The following ASIP variants were observed in gnomAD, a reference collection of about 807,000 sequenced individuals.
ASIP encodes agouti-signaling protein.
ASIP carries 11 observed loss-of-function variants against 10.3 expected under a neutral mutation model. The ratio of observed to expected loss-of-function variants is 1.07; its 90% CI spans 0.68 to 1.78. The LOEUF (loss-of-function observed/expected upper bound fraction) is 1.78, where lower values mean the gene tolerates loss of function less well. ASIP is among the 40% of genes most tolerant of loss of function. The probability of loss-of-function intolerance (pLI) is 0.00; values close to 1 mark genes in which losing one functional copy is unlikely to be tolerated. For synonymous variants in ASIP, 70 were observed against 70.8 expected, an observed-to-expected ratio of 0.99 and a Z score of 0.06; for missense variants, 180 against 169.2, an observed-to-expected ratio of 1.06 and a Z score of -0.35.
At chr20:34,264,077 G>C (rs2035744056) in intron 3 of ASIP, among the ~76,000 whole-genome samples, 1 of 152,056 alleles carries the variant, frequency 6.6e-6, no homozygotes, top group Admixed American at 6.6e-5. Context: ...TGTCATTAAT[G>C]CATAAAATAT....
At chr20:34,250,098 C>T (rs962058310) in intron 1 of ASIP, 3 of 152,286 alleles carry the variant, frequency 2.0e-5, no homozygotes, top group Admixed American at 6.5e-5. Flanking sequence ...ATGAGCTTTA[C>T]CAAGAACCCC....
intron 1 of ASIP, among the ~76,000 whole-genome samples, chr20:34,252,125 C>A (rs2035487116): frequency 6.6e-6 from 1 of 152,206 alleles, no homozygotes; most frequent in Admixed American, 6.5e-5. Flanking sequence ...AGGGGGCCTG[C>A]CCCTCCACAC....
At position 34,260,530 on chromosome 20, in the gene ASIP, T is replaced by C. The variant is rs930992849; in HGVS notation, c.156T>C (p.Ile52=). Residue 52 remains isoleucine, a synonymous_variant, in exon 2 of 4, where the codon ATT becomes ATC. Coordinates refer to ENST00000374954, the MANE Select transcript of ASIP (RefSeq NM_001672.3). ...TACTGGATGTCCCTTCTGTCTCTAT[T>C]GTGGGTAAGTCACCTAGCCTCTGGG... ...VNLLDVPSVS[I]VALNKKSKQI... 1.9e-6 allele frequency: 3 copies of C among 1,610,578 alleles called. No individual in the cohort carries two copies. In the African/African-American group the frequency reaches 4.0e-5, roughly 21 times the overall value.
In ASIP at chr20:34,201,557, T is replaced by C. The variant is rs2034899943; in HGVS notation, c.-11+6797T>C. ...ATAAAACCTTGTTGGCTTGATATTT[T>C]AAGGAACTGAAATCTAGCAATCTTA... On this transcript the variant is annotated intron_variant, in intron 1 of 3. Coordinates refer to the ASIP transcript ENST00000568305. Among the ~76,000 whole-genome samples the C allele has an allele frequency of 2.0e-5, 3 of 152,242 alleles. No homozygotes were observed. The South Asian group carries it at 6.2e-4, about 31-fold the overall frequency.
Position 34,261,342 on chromosome 20 carries a change from A to T in ASIP, c.160+808A>T, listed in dbSNP as rs115782322. Among the ~76,000 whole-genome samples the T allele has an allele frequency of 8.2e-3, 1,245 of 152,156 alleles. 17 individuals are homozygous for T. Among genetic ancestry groups the T allele is most frequent in the African/African-American group, 0.029 (1,186 of 41,522 alleles). The stretch of plus-strand genomic sequence containing the variant: ...AGGGAGACCCCGTCTCTACAGAAAA[A>T]TTTAAAAACTAGCAAGGCACGTGGC... On this transcript the variant is annotated intron_variant, in intron 2 of 3. Coordinates refer to ENST00000374954, the MANE Select transcript of ASIP (RefSeq NM_001672.3).
At chr20:34,194,264 C>T (rs1052764558), upstream of ASIP, among the ~76,000 whole-genome samples, 1 of 151,984 alleles carries the variant, frequency 6.6e-6, no homozygotes, top group Non-Finnish European at 1.5e-5. Flanking sequence ...TACTTTCTTC[C>T]CCTGAAAAAG....
chr20:34,262,965 C>A, intron 3 of ASIP, 72 bp downstream of exon 3: 2 of 1,550,746 alleles, frequency 1.3e-6, no homozygotes, highest in South Asian at 1.1e-5. Flanking sequence ...GGACCCCCAA[C>A]CTCTGGCTAG....
chr20:34,216,955 G>A (rs184592422), intron 1 of ASIP, among the ~76,000 whole-genome samples: 2 of 152,200 alleles, frequency 1.3e-5, no homozygotes, highest in Admixed American at 6.5e-5. Flanking sequence ...GACGATTTGA[G>A]GTTCTATATG....
intron 1 of ASIP, among the ~76,000 whole-genome samples, chr20:34,253,436 T>TTTTTA (rs139602018): frequency 2.7e-5 from 4 of 147,556 alleles, no homozygotes; most frequent in Non-Finnish European, 4.4e-5. Context: ...TACGCTCTTA[T>TTTTTA]TTTTATTTTA....
At chr20:34,242,075 G>A (rs551972378) in intron 1 of ASIP, among the ~76,000 whole-genome samples, 22 of 152,250 alleles carry the variant, frequency 1.4e-4, no homozygotes, top group African/African-American at 5.1e-4. Context: ...TCAATTGTAG[G>A]TGAGTTCGCT....
At chr20:34,200,460 C>T (rs1239460037) in intron 1 of ASIP, among the ~76,000 whole-genome samples, 1 of 152,186 alleles carries the variant, frequency 6.6e-6, no homozygotes, top group Non-Finnish European at 1.5e-5. Context: ...CAACATCTTA[C>T]CAAGAAGTAA....
chr20:34,201,016 CCTTCT>C (rs2034892286), intron 1 of ASIP, among the ~76,000 whole-genome samples: 1 of 85,914 alleles, frequency 1.2e-5, no homozygotes, highest in African/African-American at 1.1e-4. Context: ...TTCCTTCCTT[CCTTCT>C]TTCTTTCTTT....
chr20:34,192,011 G>A (rs891290465), upstream of ASIP, among the ~76,000 whole-genome samples: 7 of 151,694 alleles, frequency 4.6e-5, no homozygotes, highest in South Asian at 6.2e-4. Context: ...GATTACAGGC[G>A]TGAGCCACTG....
At chr20:34,188,717 TA>T in the ASIP span, among the ~76,000 whole-genome samples, 1 of 152,224 alleles carries the variant, frequency 6.6e-6, no homozygotes, top group Non-Finnish European at 1.5e-5. Context: ...TTAGTTGATT[TA>T]AAGAAAAATA....
intron 1 of ASIP, among the ~76,000 whole-genome samples, chr20:34,217,104 G>C (rs939069631): frequency 6.6e-6 from 1 of 152,112 alleles, no homozygotes; most frequent in Non-Finnish European, 1.5e-5. Flanking sequence ...TTTCCAATTT[G>C]CCCTTATCCC....
At chr20:34,246,127 A>T in intron 1 of ASIP, 1 of 933,996 alleles carries the variant, frequency 1.1e-6, no homozygotes, top group Non-Finnish European at 1.7e-6. Context: ...CTTTAAGATC[A>T]ATTTCAAAAG....
chr20:34,252,079 C>T (rs539572626), intron 1 of ASIP, among the ~76,000 whole-genome samples: 1 of 152,372 alleles, frequency 6.6e-6, no homozygotes, highest in African/African-American at 2.4e-5. Context: ...GTGCCTCAGA[C>T]TCTATAGTGA....
At chr20:34,240,590 G>A (rs1366951420), upstream of ASIP, among the ~76,000 whole-genome samples, 1 of 152,096 alleles carries the variant, frequency 6.6e-6, no homozygotes, top group Admixed American at 6.5e-5. Flanking sequence ...TACTAATAAG[G>A]TGGGCTGGGC....
chr20:34,206,991 T>C (rs1312607004), intron 1 of ASIP, among the ~76,000 whole-genome samples: 1 of 152,220 alleles, frequency 6.6e-6, no homozygotes, highest in East Asian at 1.9e-4. Flanking sequence ...TTTGATACAC[T>C]GAATTCCTTT....
Sources: gnomAD v4.1 joint callset for allele counts (sites outside exome capture counted in the v4.1 genomes callset) on GRCh38, gnomAD v4.1.1 for gene constraint, MANE v1.5 for transcripts, NCBI Gene and HGNC (gene_info 2026-07-23, HGNC 2026-07-21) for gene names.